PTPN3: variants seen among roughly 807,000 people sequenced by gnomAD.
PTPN3 encodes the protein protein tyrosine phosphatase non-receptor type 3, also known as tyrosine-protein phosphatase non-receptor type 3.
Under a neutral mutation model 132.7 loss-of-function variants are expected in PTPN3, and 96 were observed. The observed-to-expected ratio is 0.72, with a 90% confidence interval of 0.61 to 0.86. The LOEUF is 0.86. Ranked by LOEUF, PTPN3 falls within the 40% of genes least tolerant of loss-of-function variation. The pLI is 0.00. For missense variants in PTPN3, 1,125 were observed against 1,159.6 expected, an observed-to-expected ratio of 0.97 and a Z score of 0.43; for synonymous variants, 398 against 429.0, an observed-to-expected ratio of 0.93 and a Z score of 0.89.
intron 9 of PTPN3, among the ~76,000 whole-genome samples, chr9:109,434,706 C>A (rs747869508): frequency 4.6e-5 from 7 of 152,146 alleles, no homozygotes; most frequent in Non-Finnish European, 1.0e-4. Context: ...ATGTTGGGCT[C>A]CTGAGGCTCA....
In PTPN3 at chr9:109,376,181, C is replaced by A. The variant is rs1348231466; in HGVS notation, c.*3375G>T. On this transcript the variant is annotated 3_prime_UTR_variant, in exon 26 of 26. Coordinates refer to ENST00000374541, the MANE Select transcript of PTPN3 (RefSeq NM_002829.4). ...CAAATCTTGACCTCATCTAGTCCAG[C>A]CCAACCTTCCCTTTTTACATATAAG... The A allele has an allele frequency of 1.3e-5, 2 of 152,186 alleles. No individual in the cohort carries two copies. Among genetic ancestry groups the A allele is most frequent in the East Asian group, 3.8e-4 (2 of 5,196 alleles). The allele number at this position is 152,186 out of a possible 1,614,324, so 9.4% of individuals were successfully genotyped here.
chr9:109,384,627 C>T (rs1034372725), intron 22 of PTPN3, among the ~76,000 whole-genome samples: 1 of 152,236 alleles, frequency 6.6e-6, no homozygotes, highest in Non-Finnish European at 1.5e-5. Context: ...GCTAGGCTGT[C>T]CATCCCATCA....
Position 109,482,785 on chromosome 9 carries a change from G to A in PTPN3, c.-18+15434C>T, listed in dbSNP as rs547150633. On this transcript the variant is annotated intron_variant, in intron 1 of 25. Coordinates refer to ENST00000374541, the MANE Select transcript of PTPN3 (RefSeq NM_002829.4). The stretch of plus-strand genomic sequence containing the variant: ...CCCCCAGAAACCAGCTCCAGTGCTG[G>A]GCTGCCTCCTCCACTTCCCAGATCT... Among the ~76,000 whole-genome samples the A allele has an allele frequency of 2.1e-3, 314 of 152,210 alleles. 1 individual carries two copies. Among genetic ancestry groups the A allele is most frequent in the Middle Eastern group, 0.01 (3 of 294 alleles).
At chr9:109,425,186 G>A (rs1245129402) in intron 12 of PTPN3, among the ~76,000 whole-genome samples, 2 of 152,196 alleles carry the variant, frequency 1.3e-5, no homozygotes, top group Non-Finnish European at 2.9e-5. Flanking sequence ...ATCAGAAGCT[G>A]AGAGATAGCA....
intron 19 of PTPN3, among the ~76,000 whole-genome samples, chr9:109,401,571 T>C (rs1841106946): frequency 6.6e-6 from 1 of 152,160 alleles, no homozygotes; most frequent in South Asian, 2.1e-4. Flanking sequence ...GCCACCTGCG[T>C]GAAGGAGGTT....
At position 109,436,812 on chromosome 9, in the gene PTPN3, G is replaced by T. The variant is rs564362912; in HGVS notation, c.675+71C>A. On this transcript the variant is annotated intron_variant, in intron 9 of 25. Coordinates refer to ENST00000374541, the MANE Select transcript of PTPN3 (RefSeq NM_002829.4). ...ATGAAAAAGAAATAGTTTCATCAAAGAATTTTTCAAACTCTCAGAGATTAA... is the reference window on the plus strand; with the variant it reads ...ATGAAAAAGAAATAGTTTCATCAAATAATTTTTCAAACTCTCAGAGATTAA... The T allele has an allele frequency of 6.6e-6, 10 of 1,526,072 alleles. No homozygotes were observed. In the East Asian group the frequency reaches 1.4e-4, roughly 21 times the overall value. The allele number at this position is 1,526,072 out of a possible 1,614,324, so 94.5% of individuals were successfully genotyped here. A position where few individuals can be genotyped will look rare whatever the true frequency, so the allele number is the denominator to read the frequency against.
chr9:109,467,680 T>A (rs1846168842), intron 1 of PTPN3, among the ~76,000 whole-genome samples: 1 of 152,204 alleles, frequency 6.6e-6, no homozygotes, highest in Non-Finnish European at 1.5e-5. Context: ...CAAATGAAAG[T>A]CACATGGGCT....
intron 19 of PTPN3, among the ~76,000 whole-genome samples, chr9:109,397,074 G>GA (rs1050314800): frequency 4.0e-4 from 61 of 151,820 alleles, no homozygotes; most frequent in African/African-American, 1.3e-3. Flanking sequence ...AAAAGGACAG[G>GA]AAAAAAAAGG....
At chr9:109,408,895 G>A (rs1050408312) in intron 16 of PTPN3, among the ~76,000 whole-genome samples, 13 of 142,252 alleles carry the variant, frequency 9.1e-5, no homozygotes, top group African/African-American at 2.9e-4. Flanking sequence ...GCTTTCAGCA[G>A]AGGCGAGCGA....
At position 109,436,970 on chromosome 9, in the gene PTPN3, A is replaced by T. The variant is rs1844099857; in HGVS notation, c.588T>A (p.Ser196Arg). Residue 196 changes from serine (S) to arginine (R), a missense_variant and splice_region_variant, in exon 9 of 26, where the codon AGT (serine) becomes AGA (arginine). Physicochemically the swap from Ser to Arg is moderately radical, Grantham distance 110. Coordinates refer to ENST00000374541, the MANE Select transcript of PTPN3 (RefSeq NM_002829.4). ...ATTCTGCTTCTGATTGTTTTAGCCCACTACGGAAGAAAAGACAAAAAGCAG... is the reference window on the plus strand; with the variant it reads ...ATTCTGCTTCTGATTGTTTTAGCCCTCTACGGAAGAAAAGACAAAAAGCAG... Reference protein sequence around the residue: ...TKVESLHEQHSGLKQSEAESC... With the variant: ...TKVESLHEQHRGLKQSEAESC... 6.2e-7 allele frequency: 1 copy of T among 1,613,658 alleles called. No individual in the cohort carries two copies. The highest frequency in any genetic ancestry group is 8.5e-7 in the Non-Finnish European group (1 of 1,179,898).
the PTPN3 span, among the ~76,000 whole-genome samples, chr9:109,520,243 G>A: frequency 4.0e-5 from 6 of 151,844 alleles, no homozygotes; most frequent in South Asian, 4.1e-4. Flanking sequence ...CATGCTCTGC[G>A]CCATTGCATT....
chr9:109,451,520 G>A (rs1845246181), intron 5 of PTPN3: 2 of 569,692 alleles, frequency 3.5e-6, no homozygotes, highest in Non-Finnish European at 4.4e-6. Flanking sequence ...ACAATTCTAC[G>A]ACCCTGCACA....
At chr9:109,385,099 C>T (rs1400986168) in intron 22 of PTPN3, among the ~76,000 whole-genome samples, 2 of 152,218 alleles carry the variant, frequency 1.3e-5, no homozygotes, top group Non-Finnish European at 2.9e-5. Context: ...CCATGCAAGG[C>T]AGAACTACCA....
intron 19 of PTPN3, among the ~76,000 whole-genome samples, chr9:109,399,257 G>A (rs1196212119): frequency 6.6e-6 from 1 of 152,188 alleles, no homozygotes; most frequent in African/African-American, 2.4e-5. Flanking sequence ...AACCTCCGAG[G>A]CTAGAGCAAT....
chr9:109,390,148 G>A (rs994435211), intron 21 of PTPN3, among the ~76,000 whole-genome samples: 1 of 152,184 alleles, frequency 6.6e-6, no homozygotes, highest in African/African-American at 2.4e-5. Flanking sequence ...TGCCCCTAAT[G>A]TTTCTGATGC....
At chr9:109,439,623 A>G (rs4601400) in intron 7 of PTPN3, among the ~76,000 whole-genome samples, 41,738 of 152,176 alleles carry the variant, frequency 0.27, 6,107 homozygotes, top group South Asian at 0.4. Context: ...TGAAAGGGCA[A>G]TGCAGCCGGG....
At chr9:109,398,803 G>C (rs1840807825) in intron 19 of PTPN3, among the ~76,000 whole-genome samples, 1 of 152,184 alleles carries the variant, frequency 6.6e-6, no homozygotes, top group Non-Finnish European at 1.5e-5. Flanking sequence ...ATCCAGGAAA[G>C]TCTATACCAA....
At chr9:109,433,036 C>T in intron 10 of PTPN3, 37 bp downstream of exon 10, 1 of 1,606,182 alleles carries the variant, frequency 6.2e-7, no homozygotes, top group Non-Finnish European at 8.5e-7. Context: ...ATTTTTAAAG[C>T]ATGATTCAGA....
intron 4 of PTPN3, among the ~76,000 whole-genome samples, chr9:109,455,656 C>T (rs1845523374): frequency 6.6e-6 from 1 of 152,212 alleles, no homozygotes; most frequent in Non-Finnish European, 1.5e-5. Flanking sequence ...CCTTGGGATG[C>T]TTGTTCACCT....
Sources: allele counts gnomAD v4.1 joint callset (sites outside exome capture counted in the v4.1 genomes callset), GRCh38; gene constraint gnomAD v4.1.1; transcripts MANE v1.5; gene names NCBI Gene and HGNC (gene_info 2026-07-23, HGNC 2026-07-21).